ASIP: variants seen among roughly 807,000 people sequenced by gnomAD.
ASIP encodes agouti-signaling protein.
In ASIP, 11 loss-of-function variants were observed where a neutral mutation model predicts 10.3. That is an observed-to-expected ratio of 1.07 (90% CI 0.68 to 1.78). ASIP has a LOEUF of 1.78. Among genes scored for constraint, ASIP ranks in the 40% most tolerant of loss-of-function variants. The pLI, the probability that ASIP is intolerant of heterozygous loss-of-function variation, is 0.00. For missense variants in ASIP, 180 were observed against 169.2 expected (o/e 1.06, Z -0.35); for synonymous variants, 70 against 70.8 (o/e 0.99, Z 0.06).
intron 1 of ASIP, among the ~76,000 whole-genome samples, chr20:34,207,320 C>T (rs2034943932): frequency 6.6e-6 from 1 of 152,232 alleles, no homozygotes; most frequent in Non-Finnish European, 1.5e-5. Flanking sequence ...ACTATTTACT[C>T]ATATGCCTGT....
At chr20:34,236,488 G>C (rs1253054123), upstream of ASIP, among the ~76,000 whole-genome samples, 1 of 152,002 alleles carries the variant, frequency 6.6e-6, no homozygotes, top group Non-Finnish European at 1.5e-5. Flanking sequence ...ACGTTGCAGT[G>C]AGCTGAGATT....
intron 1 of ASIP, among the ~76,000 whole-genome samples, chr20:34,202,221 C>T (rs754487783): frequency 5.9e-5 from 9 of 152,114 alleles, no homozygotes; most frequent in Non-Finnish European, 8.8e-5. Flanking sequence ...TGGAAATATT[C>T]GATACCTGCA....
chr20:34,265,537 A>G (rs1485598245), intron 3 of ASIP, among the ~76,000 whole-genome samples: 1 of 152,022 alleles, frequency 6.6e-6, no homozygotes, highest in African/African-American at 2.4e-5. Context: ...GAAAAAAAGG[A>G]TTTTTGACTG....
At chr20:34,235,650 A>G (rs2035171316) in intron 1 of ASIP, among the ~76,000 whole-genome samples, 1 of 151,690 alleles carries the variant, frequency 6.6e-6, no homozygotes, top group Admixed American at 6.6e-5. Flanking sequence ...TGGGCATGGT[A>G]GCGCATGCCT....
At chr20:34,192,582 C>T (rs2034831300), upstream of ASIP, among the ~76,000 whole-genome samples, 1 of 149,024 alleles carries the variant, frequency 6.7e-6, no homozygotes, top group Non-Finnish European at 1.5e-5. Context: ...GCCCTGGTTA[C>T]CCTTTGGGAT....
At chr20:34,214,674 T>C (rs1367464966) in intron 1 of ASIP, 1 of 1,082,914 alleles carries the variant, frequency 9.2e-7, no homozygotes, top group Non-Finnish European at 1.4e-6. Flanking sequence ...CAAACATGGC[T>C]TTATCTTGAC....
intron 1 of ASIP, among the ~76,000 whole-genome samples, chr20:34,254,274 G>T (rs554727687): frequency 6.6e-6 from 1 of 152,286 alleles, no homozygotes; most frequent in East Asian, 1.9e-4. Context: ...TGTTGGTCAG[G>T]CTGGTCTCGA....
chr20:34,197,781 G>T (rs149148462), intron 1 of ASIP, among the ~76,000 whole-genome samples: 336 of 152,240 alleles, frequency 2.2e-3, no homozygotes, highest in Non-Finnish European at 3.2e-3. Flanking sequence ...CTGACAACTG[G>T]CTGTAGTGCA....
At chr20:34,243,930 T>C (rs1175058430) in intron 1 of ASIP, among the ~76,000 whole-genome samples, 1 of 152,050 alleles carries the variant, frequency 6.6e-6, no homozygotes, top group Non-Finnish European at 1.5e-5. Flanking sequence ...CCGGGCGTGG[T>C]GGCGGGCGCC....
intron 1 of ASIP, among the ~76,000 whole-genome samples, chr20:34,219,949 G>A (rs1341638527): frequency 1.3e-5 from 2 of 152,190 alleles, no homozygotes; most frequent in African/African-American, 2.4e-5. Context: ...AATTAGCTGG[G>A]CGTGGTGGTG....
At chr20:34,267,314 G>A (rs912275866) in intron 3 of ASIP, among the ~76,000 whole-genome samples, 5 of 151,926 alleles carry the variant, frequency 3.3e-5, no homozygotes, top group African/African-American at 1.2e-4. Context: ...GAAGGCCTCT[G>A]TAAGGAAGTA....
chr20:34,190,050 C>T (rs577459108), upstream of ASIP, among the ~76,000 whole-genome samples: 4 of 152,300 alleles, frequency 2.6e-5, no homozygotes, highest in South Asian at 4.1e-4. Flanking sequence ...TCTAACCCAG[C>T]GCCATGGACC....
At chr20:34,237,462 G>A (rs2035225588), upstream of ASIP, among the ~76,000 whole-genome samples, 1 of 151,952 alleles carries the variant, frequency 6.6e-6, no homozygotes, top group Non-Finnish European at 1.5e-5. Context: ...TTTTCAGATT[G>A]TTCATTGTTA....
chr20:34,227,213 G>A (rs934743421), intron 1 of ASIP, among the ~76,000 whole-genome samples: 1 of 151,600 alleles, frequency 6.6e-6, no homozygotes, highest in Non-Finnish European at 1.5e-5. Context: ...AATACAAATT[G>A]ACGTGTTAAA....
intron 1 of ASIP, among the ~76,000 whole-genome samples, chr20:34,257,826 A>G (rs569161172): frequency 6.6e-6 from 1 of 152,324 alleles, no homozygotes; most frequent in African/African-American, 2.4e-5. Flanking sequence ...GCCTTTTAAT[A>G]AAGGTCATCA....
the ASIP span, among the ~76,000 whole-genome samples, chr20:34,186,957 G>A: frequency 5.3e-5 from 8 of 152,130 alleles, no homozygotes; most frequent in Non-Finnish European, 1.2e-4. Flanking sequence ...GGGACTACAG[G>A]TGCGTGCCAC....
At chr20:34,227,650 A>C (rs2035102000) in intron 1 of ASIP, among the ~76,000 whole-genome samples, 1 of 150,380 alleles carries the variant, frequency 6.6e-6, no homozygotes, top group African/African-American at 2.5e-5. Context: ...AAAAAAAGAG[A>C]TATACCATAT....
At chr20:34,235,962 A>AGGTAGGGAGGGAAGAAGGAAGG (rs1568756757) in intron 1 of ASIP, among the ~76,000 whole-genome samples, 1 of 83,802 alleles carries the variant, frequency 1.2e-5, no homozygotes, top group Admixed American at 9.7e-5. Flanking sequence ...GGAAGGAAGG[A>AGGTAGGGAGGGAAGAAGGAAGG]AGGAGGGAGG....
intron 1 of ASIP, among the ~76,000 whole-genome samples, chr20:34,216,571 A>T (rs1380516110): frequency 6.6e-6 from 1 of 152,216 alleles, no homozygotes; most frequent in Admixed American, 6.5e-5. Context: ...TTTTTAATGT[A>T]GGTCTATGAT....
Sources: allele counts gnomAD v4.1 joint callset (sites outside exome capture counted in the v4.1 genomes callset), GRCh38; gene constraint gnomAD v4.1.1; transcripts MANE v1.5; gene names NCBI Gene and HGNC (gene_info 2026-07-23, HGNC 2026-07-21).